Variants in GSK3B observed in about 807,000 individuals in gnomAD.
The protein encoded by GSK3B is glycogen synthase kinase-3 beta.
A neutral mutation model predicts 56.4 loss-of-function variants in GSK3B; 15 were observed. That is an observed-to-expected ratio of 0.27 (90% CI 0.18 to 0.41). GSK3B has a LOEUF of 0.41. Ranked by LOEUF, GSK3B falls within the 10% of genes least tolerant of loss-of-function variation. The pLI is 1.00. For missense variants in GSK3B, 300 were observed against 513.4 expected (o/e 0.58, Z 4.02); for synonymous variants, 181 against 188.9 (o/e 0.96, Z 0.34).
intron 1 of GSK3B, among the ~76,000 whole-genome samples, chr3:120,070,334 T>C (rs1257803860): frequency 3.3e-5 from 5 of 152,160 alleles, no homozygotes; most frequent in Admixed American, 3.3e-4. Flanking sequence ...TTATTATTGT[T>C]ATTACTGCTA....
intron 1 of GSK3B, among the ~76,000 whole-genome samples, chr3:120,024,817 G>A (rs1452686202): frequency 6.6e-6 from 1 of 152,102 alleles, no homozygotes; most frequent in Non-Finnish European, 1.5e-5. Flanking sequence ...GGGGGAGGAG[G>A]GAAGCAATGG....
At chr3:120,037,459 C>G (rs1022161001) in intron 1 of GSK3B, among the ~76,000 whole-genome samples, 1 of 152,096 alleles carries the variant, frequency 6.6e-6, no homozygotes, top group African/African-American at 2.4e-5. Flanking sequence ...AACTTGTATT[C>G]TTATTGGAGA....
In GSK3B at chr3:119,924,695, A is replaced by C. The variant is rs1198366911; in HGVS notation, c.367-1212T>G. Among the ~76,000 whole-genome samples the C allele has an allele frequency of 3.9e-5, 6 of 152,176 alleles. No individual in the cohort carries two copies. The South Asian group carries it at 1.2e-3, about 32-fold the overall frequency. The stretch of plus-strand genomic sequence containing the variant: ...TCCCTTCTTAGCCTGCTTAAATTCC[A>C]CGGTCCATCATTATCCTCTCTAACA... On this transcript the variant is annotated intron_variant, in intron 3 of 10. Transcript: ENST00000264235.
chr3:119,951,279 A>AT (rs1481234180), intron 2 of GSK3B, among the ~76,000 whole-genome samples: 1 of 152,238 alleles, frequency 6.6e-6, no homozygotes, highest in Admixed American at 6.5e-5. Context: ...TCATCAAAAA[A>AT]TGCTGAAAGT....
intron 7 of GSK3B, among the ~76,000 whole-genome samples, chr3:119,893,995 T>C (rs921084598): frequency 2.6e-5 from 4 of 152,106 alleles, no homozygotes; most frequent in African/African-American, 7.2e-5. Flanking sequence ...TTTTAGAACA[T>C]GTTCATTACC....
intron 2 of GSK3B, among the ~76,000 whole-genome samples, chr3:119,974,531 A>G (rs1388963057): frequency 6.6e-6 from 1 of 152,198 alleles, no homozygotes; most frequent in Non-Finnish European, 1.5e-5. Flanking sequence ...CCAGAAAACA[A>G]GCCCTCACCA....
intron 9 of GSK3B, among the ~76,000 whole-genome samples, chr3:119,856,979 T>C (rs980092242): frequency 6.6e-6 from 1 of 152,276 alleles, no homozygotes; most frequent in Non-Finnish European, 1.5e-5. Context: ...TTCCACTGCA[T>C]GTAAGTGATG....
At chr3:120,037,802 G>C (rs2058034604) in intron 1 of GSK3B, among the ~76,000 whole-genome samples, 1 of 152,038 alleles carries the variant, frequency 6.6e-6, no homozygotes, top group Non-Finnish European at 1.5e-5. Flanking sequence ...TTCTAGGTCA[G>C]TCATTAAACT....
intron 2 of GSK3B, among the ~76,000 whole-genome samples, chr3:119,965,808 A>T (rs547692920): frequency 6.2e-4 from 94 of 151,772 alleles, no homozygotes; most frequent in Non-Finnish European, 8.9e-4. Flanking sequence ...AAAATAATTT[A>T]AAAAAATTTT....
intron 1 of GSK3B, among the ~76,000 whole-genome samples, chr3:120,007,438 G>A (rs1353301491): frequency 6.6e-6 from 1 of 151,316 alleles, no homozygotes; most frequent in Non-Finnish European, 1.5e-5. Context: ...GATACCAAAT[G>A]ATATCTGGCA....
At chr3:119,922,667 G>A (rs2056854898) in intron 4 of GSK3B, among the ~76,000 whole-genome samples, 2 of 151,604 alleles carry the variant, frequency 1.3e-5, no homozygotes, top group African/African-American at 4.8e-5. Flanking sequence ...GACATTCAGA[G>A]TCAATGACAT....
At chr3:119,923,621 A>C (rs1286050723) in intron 3 of GSK3B, 138 bp from the exon 4 acceptor site, 1 of 454,382 alleles carries the variant, frequency 2.2e-6, no homozygotes, top group Non-Finnish European at 3.9e-6. Flanking sequence ...AATTATATAA[A>C]ATTACTTCAG....
At chr3:119,995,773 T>G (rs1052579693) in intron 2 of GSK3B, among the ~76,000 whole-genome samples, 8 of 142,766 alleles carry the variant, frequency 5.6e-5, no homozygotes, top group Non-Finnish European at 9.0e-5. Context: ...AGTCTCACTC[T>G]GTCCCCCAGG....
rs148122606 is a variant in GSK3B, at chr3:120,059,557, C to T, written c.88+33790G>A. On this transcript the variant is annotated intron_variant, in intron 1 of 10. Transcript: ENST00000264235. ...ATCCAATTCACTTTTTTACAACTTC[C>T]GAATTCCAAAGGAATATACTTACAA... 1.1e-3 allele frequency among the ~76,000 whole-genome samples: 165 copies of T among 152,266 alleles called. 3 individuals carry two copies. Among genetic ancestry groups the T allele is most frequent in the Admixed American group, 9.3e-3 (142 of 15,290 alleles).
At chr3:120,075,492 GACC>G (rs2058360705) in intron 1 of GSK3B, among the ~76,000 whole-genome samples, 1 of 152,020 alleles carries the variant, frequency 6.6e-6, no homozygotes, top group African/African-American at 2.4e-5. Flanking sequence ...AAACTCCAAA[GACC>G]ACATGAAAAA....
chr3:120,084,085 G>A (rs1032231571), intron 1 of GSK3B, among the ~76,000 whole-genome samples: 2 of 152,078 alleles, frequency 1.3e-5, no homozygotes, highest in Admixed American at 1.3e-4. Flanking sequence ...GAACACCTGA[G>A]TAATGAAAAA....
At chr3:119,905,609 A>G (rs1388524042) in intron 7 of GSK3B, 146 bp downstream of exon 7, 36 of 622,234 alleles carry the variant, frequency 5.8e-5, no homozygotes, top group Admixed American at 4.5e-4. Flanking sequence ...GCGTTCTTAT[A>G]CCCACTTTAT....
At chr3:119,954,302 T>TAGAAACAGAAC (rs1553739228) in intron 2 of GSK3B, among the ~76,000 whole-genome samples, 3 of 96,926 alleles carry the variant, frequency 3.1e-5, no homozygotes, top group African/African-American at 1.2e-4. Flanking sequence ...TAGAATAGAA[T>TAGAAACAGAAC]AGAAAAGAAA....
At chr3:119,854,271 A>T (rs1391558623) in intron 9 of GSK3B, among the ~76,000 whole-genome samples, 1 of 152,204 alleles carries the variant, frequency 6.6e-6, no homozygotes, top group Non-Finnish European at 1.5e-5. Flanking sequence ...GATGAAGCCC[A>T]CCTGATTGTG....
Sources: allele counts gnomAD v4.1 joint callset (sites outside exome capture counted in the v4.1 genomes callset), GRCh38; gene constraint gnomAD v4.1.1; transcripts MANE v1.5; gene names NCBI Gene and HGNC (gene_info 2026-07-23, HGNC 2026-07-21).